Variants in MRPL48 observed in about 807,000 individuals in gnomAD.
MRPL48 encodes the protein mitochondrial ribosomal protein L48.
A neutral mutation model predicts 32.9 loss-of-function variants in MRPL48; 16 were observed. That is an observed-to-expected ratio of 0.49 (90% CI 0.33 to 0.74). The LOEUF is 0.74. Ranked by LOEUF, MRPL48 falls within the 30% of genes least tolerant of loss-of-function variation. MRPL48 has a pLI of 0.02. For missense variants in MRPL48, 206 were observed against 245.3 expected (o/e 0.84, Z 1.07); for synonymous variants, 94 against 89.2 (o/e 1.05, Z -0.31).
At chr11:73,838,744 G>T (rs1014879236) in intron 4 of MRPL48, among the ~76,000 whole-genome samples, 7 of 152,200 alleles carry the variant, frequency 4.6e-5, no homozygotes, top group African/African-American at 7.2e-5. Flanking sequence ...TCACCGCAAG[G>T]TCTAGCACCC....
chr11:73,854,056 C>T (rs879396108), intron 5 of MRPL48, among the ~76,000 whole-genome samples: 2 of 152,132 alleles, frequency 1.3e-5, no homozygotes, highest in Admixed American at 1.3e-4. Flanking sequence ...TACTATCATA[C>T]CTACAGTGGG....
At chr11:73,863,047 T>C in intron 6 of MRPL48, 125 bp from the exon 7 acceptor site, 1 of 802,850 alleles carries the variant, frequency 1.2e-6, no homozygotes, top group South Asian at 1.7e-5. Context: ...AGTTTTGGTG[T>C]TAATCTTCCA....
chr11:73,851,601 CG>C (rs1458986940), intron 5 of MRPL48, among the ~76,000 whole-genome samples: 3 of 152,130 alleles, frequency 2.0e-5, no homozygotes, highest in African/African-American at 4.8e-5. Context: ...GCTCTGGGCT[CG>C]AATGATCTAT....
chr11:73,834,540 G>GTTT lies in MRPL48; in HGVS notation c.201+8753_201+8755dup, dbSNP rs534340872. 7.4e-5 allele frequency among the ~76,000 whole-genome samples: 9 copies of GTTT among 121,430 alleles called. 1 individual carries two copies. The highest frequency in any genetic ancestry group is 5.5e-4 in the South Asian group (2 of 3,630). 79.7% of individuals were successfully genotyped at this position (121,430 alleles called of 152,430 possible). ...TTTGTTTTTGCTGGTTTTTTTTTTTGTTTTTTTTTTTGAGACGGAGTCTCG... is the reference window on the plus strand; with the variant it reads ...TTTGTTTTTGCTGGTTTTTTTTTTTGTTTTTTTTTTTTTTGAGACGGAGTCTCG... On this transcript the variant is annotated intron_variant, in intron 4 of 7. Coordinates refer to ENST00000310614, the MANE Select transcript of MRPL48 (RefSeq NM_016055.6).
At chr11:73,852,003 T>G (rs1177780238) in intron 5 of MRPL48, among the ~76,000 whole-genome samples, 1 of 151,944 alleles carries the variant, frequency 6.6e-6, no homozygotes, top group African/African-American at 2.4e-5. Context: ...TAACATAATG[T>G]GAAAGATAAA....
At chr11:73,809,348 C>T (rs1947526259) in intron 3 of MRPL48, among the ~76,000 whole-genome samples, 2 of 151,340 alleles carry the variant, frequency 1.3e-5, no homozygotes, top group Non-Finnish European at 2.9e-5. Flanking sequence ...ACTAAAAATA[C>T]AAAAAATTAG....
At chr11:73,796,520 T>G (rs2134938495) in intron 1 of MRPL48, among the ~76,000 whole-genome samples, 1 of 152,372 alleles carries the variant, frequency 6.6e-6, no homozygotes, top group East Asian at 1.9e-4. Context: ...TGAAGGCAGC[T>G]CAGCAGTGGC....
At chr11:73,843,830 G>T (rs1219799409) in intron 4 of MRPL48, among the ~76,000 whole-genome samples, 1 of 152,106 alleles carries the variant, frequency 6.6e-6, no homozygotes, top group Non-Finnish European at 1.5e-5. Flanking sequence ...TGTAATCCCG[G>T]CACTTGGGGA....
chr11:73,831,119 C>A lies in MRPL48; in HGVS notation c.201+5323C>A, dbSNP rs547321100. The stretch of plus-strand genomic sequence containing the variant: ...CCTCCCTAAGAGCTGGGATTATAGA[C>A]ATGAGCCACCGTGCCCAGCCTGTTT... On this transcript the variant is annotated intron_variant, in intron 4 of 7. Coordinates refer to ENST00000310614, the MANE Select transcript of MRPL48 (RefSeq NM_016055.6). Among the ~76,000 whole-genome samples the A allele has an allele frequency of 1.7e-4, 26 of 152,270 alleles. No homozygotes were observed. In the South Asian group the frequency reaches 5.4e-3, roughly 32 times the overall value.
intron 5 of MRPL48, among the ~76,000 whole-genome samples, chr11:73,849,990 C>G (rs1948360883): frequency 6.6e-6 from 1 of 152,026 alleles, no homozygotes; most frequent in South Asian, 2.1e-4. Flanking sequence ...GTCCCTGCCA[C>G]TTGGGAGGCT....
intron 5 of MRPL48, among the ~76,000 whole-genome samples, chr11:73,854,567 A>T (rs950779759): frequency 6.6e-6 from 1 of 152,172 alleles, no homozygotes; most frequent in Non-Finnish European, 1.5e-5. Context: ...GATTACAGGT[A>T]TGAGCCACCG....
intron 3 of MRPL48, among the ~76,000 whole-genome samples, chr11:73,824,457 T>C (rs1332297142): frequency 6.6e-6 from 1 of 151,816 alleles, no homozygotes; most frequent in African/African-American, 2.4e-5. Flanking sequence ...TGGTGGCGCG[T>C]GCCTGTAATC....
chr11:73,849,729 G>A lies in MRPL48; in HGVS notation c.371+4753G>A, dbSNP rs142304417. On this transcript the variant is annotated intron_variant, in intron 5 of 7. Transcript: ENST00000310614. The stretch of plus-strand genomic sequence containing the variant: ...ACTATAAATATGTACAGGTTTTTGT[G>A]AGAACACACGTCTTCATTTCTCTAG... Among the ~76,000 whole-genome samples, 532 of 152,288 alleles carry A rather than the reference G, an allele frequency of 3.5e-3. 18 individuals carry two copies. The highest frequency in any genetic ancestry group is 6.5e-4 in the Non-Finnish European group (44 of 68,022).
chr11:73,814,922 G>T (rs1947635908), intron 3 of MRPL48, among the ~76,000 whole-genome samples: 2 of 151,988 alleles, frequency 1.3e-5, no homozygotes, highest in Admixed American at 1.3e-4. Context: ...AACCTGGGAG[G>T]CGGAGGTTGC....
rs771931323 is a variant in MRPL48, at chr11:73,864,414, C to T, written c.*44C>T. ...TGCCAGCAGTGGTCATATTGAGTGC[C>T]AAAGAGAAGAGCTTACTGGGTAGTT... On this transcript the variant is annotated 3_prime_UTR_variant, in exon 8 of 8. Coordinates refer to ENST00000310614, the MANE Select transcript of MRPL48 (RefSeq NM_016055.6). The T allele has an allele frequency of 6.3e-7, 1 of 1,593,650 alleles. No individual in the cohort carries two copies. Among genetic ancestry groups the T allele is most frequent in the South Asian group, 1.1e-5 (1 of 89,624 alleles).
intron 3 of MRPL48, among the ~76,000 whole-genome samples, chr11:73,814,150 TG>T (rs1387347191): frequency 6.6e-6 from 1 of 151,678 alleles, no homozygotes; most frequent in Non-Finnish European, 1.5e-5. Flanking sequence ...CTCAGCACTT[TG>T]GGAGGTTGAG....
intron 4 of MRPL48, among the ~76,000 whole-genome samples, chr11:73,826,901 C>T (rs537537029): frequency 1.1e-3 from 166 of 151,048 alleles, no homozygotes; most frequent in Admixed American, 6.0e-3. Flanking sequence ...CTCAGCCTCC[C>T]GAGTAGCTGG....
Position 73,855,241 on chromosome 11 carries a change from G to A in MRPL48, c.372-4666G>A, listed in dbSNP as rs190568194. Among the ~76,000 whole-genome samples the A allele has an allele frequency of 2.7e-4, 41 of 151,800 alleles. 1 individual carries two copies. The East Asian group carries it at 7.2e-3, about 27-fold the overall frequency. On this transcript the variant is annotated intron_variant, in intron 5 of 7. Transcript: ENST00000310614. ...GCATTTATGGTGATCTTTCTAGATG[G>A]AAATATGATTATGTCACTCTTCTGC... is the stretch of plus-strand genomic sequence containing the variant.
chr11:73,825,641 G>C, intron 3 of MRPL48, 67 bp from the exon 4 acceptor site: 1 of 1,392,270 alleles, frequency 7.2e-7, no homozygotes, highest in Non-Finnish European at 9.9e-7. Context: ...GCAAGACCCT[G>C]TCTCTTAAAA....
Sources: gnomAD v4.1 joint callset for allele counts (sites outside exome capture counted in the v4.1 genomes callset) on GRCh38, gnomAD v4.1.1 for gene constraint, MANE v1.5 for transcripts, NCBI Gene and HGNC (gene_info 2026-07-23, HGNC 2026-07-21) for gene names.